Variants in ADAMTSL1 observed in about 807,000 individuals in gnomAD.
ADAMTSL1 encodes the protein ADAMTS-like protein 1.
ADAMTSL1 carries 126 observed loss-of-function variants against 201.8 expected under a neutral mutation model. The observed-to-expected ratio is 0.62, with a 90% CI of 0.54 to 0.72. The LOEUF (loss-of-function observed/expected upper bound fraction) is 0.72. Among genes scored for constraint, ADAMTSL1 ranks in the 30% least tolerant of loss-of-function variants. The pLI, the probability that ADAMTSL1 is intolerant of heterozygous loss-of-function variation, is 0.00. For synonymous variants in ADAMTSL1, 1,121 were observed against 903.4 expected (o/e 1.24, Z -4.32); for missense variants, 2,679 against 2,277.8 (o/e 1.18, Z -3.59).
At chr9:18,101,703 G>A (rs1824530390) in intron 1 of ADAMTSL1, among the ~76,000 whole-genome samples, 1 of 152,126 alleles carries the variant, frequency 6.6e-6, no homozygotes, top group Admixed American at 6.5e-5. Flanking sequence ...GAGAGATAAG[G>A]CACCGTAGAT....
At position 18,888,079 on chromosome 9, in the gene ADAMTSL1, A is replaced by T. The variant is rs990021994; in HGVS notation, c.4462+36A>T. The stretch of plus-strand genomic sequence containing the variant: ...CTGCAGACTTTGCATACTGGACTTG[A>T]ACAAGAAAGCCCACTTGGGAATCTA... On this transcript the variant is annotated intron_variant, in intron 24 of 28. Coordinates refer to ENST00000380548, the MANE Select transcript of ADAMTSL1 (RefSeq NM_001040272.6). 5.7e-6 allele frequency: 9 copies of T among 1,589,492 alleles called. No homozygotes were observed. In the African/African-American group the frequency reaches 9.4e-5, roughly 17 times the overall value.
chr9:18,099,381 T>C lies in ADAMTSL1; in HGVS notation c.88-64481T>C, dbSNP rs192751488. 9.5e-5 allele frequency among the ~76,000 whole-genome samples: 12 copies of C among 126,922 alleles called. No individual in the cohort carries two copies. In the East Asian group the frequency reaches 1.4e-3, roughly 14 times the overall value. 83.3% of individuals were successfully genotyped at this position (126,922 alleles called of 152,430 possible). A position where few individuals can be genotyped will look rare whatever the true frequency, so the allele number is the denominator to read the frequency against. On this transcript the variant is annotated intron_variant, in intron 1 of 29. Transcript: ENST00000680146. ...TTTTTTTTTTTTTTTTTAACATCCA[T>C]TAATTTTACTAGGCTATGCTTTGGT... is the stretch of plus-strand genomic sequence containing the variant.
chr9:18,680,601 C>T (rs1482613648), intron 11 of ADAMTSL1, 85 bp downstream of exon 11: 4 of 1,435,730 alleles, frequency 2.8e-6, no homozygotes, highest in Admixed American at 1.7e-5. Context: ...GTACCCTGAG[C>T]AGCTCCACAC....
chr9:18,815,711 C>CAAAAAAAAAAAAAAA (rs35926602), intron 20 of ADAMTSL1, among the ~76,000 whole-genome samples: 1 of 67,934 alleles, frequency 1.5e-5, no homozygotes, highest in Non-Finnish European at 2.8e-5. Flanking sequence ...AACCCTGTCT[C>CAAAAAAAAAAAAAAA]AAAAAAAAAA....
intron 20 of ADAMTSL1, among the ~76,000 whole-genome samples, chr9:18,810,019 G>T (rs1169771647): frequency 6.6e-6 from 1 of 152,178 alleles, no homozygotes; most frequent in Non-Finnish European, 1.5e-5. Context: ...CAACAGAGAT[G>T]CTGGTGAGAT....
chr9:18,784,401 G>T (rs1209081007), intron 19 of ADAMTSL1, among the ~76,000 whole-genome samples: 2 of 152,178 alleles, frequency 1.3e-5, no homozygotes, highest in Non-Finnish European at 2.9e-5. Flanking sequence ...ATAAATAAAG[G>T]AATGAATAGT....
At chr9:18,003,404 G>T (rs1819691570) in intron 1 of ADAMTSL1, among the ~76,000 whole-genome samples, 1 of 152,080 alleles carries the variant, frequency 6.6e-6, no homozygotes, top group Non-Finnish European at 1.5e-5. Context: ...TGCTCCATTT[G>T]TTTCTGTGAA....
chr9:18,889,690 G>T lies in ADAMTSL1; in HGVS notation c.4585G>T (p.Gly1529Trp). 6.3e-7 allele frequency: 1 copy of T among 1,593,194 alleles called. No homozygotes were observed. Among genetic ancestry groups the T allele is most frequent in the Non-Finnish European group, 8.6e-7 (1 of 1,169,230 alleles). The change falls in exon 25 of 29, where the codon GGG (glycine) becomes TGG (tryptophan). Residue 1529 changes from glycine to tryptophan, a missense_variant. By Grantham distance (184) the Gly-to-Trp change is radical. Coordinates refer to ENST00000380548, the MANE Select transcript of ADAMTSL1 (RefSeq NM_001040272.6). ...GGAGGTCAACCCTGCCCACTGCGCA[G>T]GGAAGGTTCGCCCTGCGGTGCAGCC... Reference protein sequence around the residue: ...STEVNPAHCAGKVRPAVQPIA... With the variant: ...STEVNPAHCAWKVRPAVQPIA...
At chr9:17,925,596 A>G (rs1413192129) in intron 1 of ADAMTSL1, among the ~76,000 whole-genome samples, 6 of 123,514 alleles carry the variant, frequency 4.9e-5, no homozygotes, top group East Asian at 6.0e-4. Context: ...TCAGTAAACT[A>G]TCGCAAGAAC....
intron 2 of ADAMTSL1, among the ~76,000 whole-genome samples, chr9:18,213,809 G>A (rs1297217225): frequency 6.6e-6 from 1 of 151,994 alleles, no homozygotes; most frequent in Non-Finnish European, 1.5e-5. Context: ...GTGCGATCTC[G>A]GTTCACTGCA....
chr9:18,756,484 T>C (rs772819632), intron 16 of ADAMTSL1, among the ~76,000 whole-genome samples: 3 of 152,070 alleles, frequency 2.0e-5, no homozygotes, highest in Non-Finnish European at 4.4e-5. Flanking sequence ...CCAGAGTAAC[T>C]TCAGGGATCC....
chr9:17,952,632 GC>G (rs1827771046), intron 1 of ADAMTSL1, among the ~76,000 whole-genome samples: 1 of 151,972 alleles, frequency 6.6e-6, no homozygotes, highest in Non-Finnish European at 1.5e-5. Flanking sequence ...TTGCTCTGTT[GC>G]CCAGGCTGGA....
At chr9:18,654,189 A>T (rs780960208) in intron 7 of ADAMTSL1, among the ~76,000 whole-genome samples, 1 of 152,244 alleles carries the variant, frequency 6.6e-6, no homozygotes, top group East Asian at 1.9e-4. Flanking sequence ...AGATCACGCC[A>T]CTTCGCTCCA....
chr9:17,942,284 C>A (rs887689242), intron 1 of ADAMTSL1, among the ~76,000 whole-genome samples: 1 of 152,096 alleles, frequency 6.6e-6, no homozygotes, highest in Admixed American at 6.6e-5. Context: ...GTATAGTTAA[C>A]AAATATTACC....
At chr9:18,786,948 G>C (rs962494581) in intron 19 of ADAMTSL1, among the ~76,000 whole-genome samples, 1 of 152,150 alleles carries the variant, frequency 6.6e-6, no homozygotes, top group African/African-American at 2.4e-5. Context: ...TCTTTAACTT[G>C]GGCAACTCAG....
Position 18,718,023 on chromosome 9 carries a change from T to G in ADAMTSL1, c.1877-3513T>G, listed in dbSNP as rs1163114418. ...TTGCGAGCCTTCCCAGGCACTGGAGTTTTTCTGTTAATCTGCCGCACTAGG... is the reference window on the plus strand; with the variant it reads ...TTGCGAGCCTTCCCAGGCACTGGAGGTTTTCTGTTAATCTGCCGCACTAGG... On this transcript the variant is annotated intron_variant, in intron 14 of 28. Coordinates refer to ENST00000380548, the MANE Select transcript of ADAMTSL1 (RefSeq NM_001040272.6). 3 of 1,593,058 alleles carry G rather than the reference T, an allele frequency of 1.9e-6. No homozygotes were observed. The African/African-American group carries it at 4.0e-5, about 21-fold the overall frequency.
chr9:18,597,886 G>A (rs1292817558), intron 4 of ADAMTSL1, among the ~76,000 whole-genome samples: 1 of 152,096 alleles, frequency 6.6e-6, no homozygotes, highest in Non-Finnish European at 1.5e-5. Context: ...CCTAATAAGG[G>A]CTGCTTTCCA....
intron 20 of ADAMTSL1, among the ~76,000 whole-genome samples, chr9:18,811,593 C>T (rs1823512993): frequency 6.6e-6 from 1 of 152,178 alleles, no homozygotes; most frequent in African/African-American, 2.4e-5. Context: ...CTCCCTGCTC[C>T]CAAGCCTGAG....
intron 1 of ADAMTSL1, among the ~76,000 whole-genome samples, chr9:18,075,793 C>T (rs928298118): frequency 7.2e-5 from 11 of 152,190 alleles, no homozygotes; most frequent in Non-Finnish European, 2.9e-5. Context: ...GGGGCATTTC[C>T]AAGCTGAGTG....
Sources: gnomAD v4.1 joint callset for allele counts (sites outside exome capture counted in the v4.1 genomes callset) on GRCh38, gnomAD v4.1.1 for gene constraint, MANE v1.5 for transcripts, NCBI Gene and HGNC (gene_info 2026-07-23, HGNC 2026-07-21) for gene names.